DLG2: variants seen among roughly 807,000 people sequenced by gnomAD.
The protein encoded by DLG2 is discs large MAGUK scaffold protein 2.
In DLG2, 45 loss-of-function variants were observed where a neutral mutation model predicts 132.5. The observed-to-expected ratio is 0.34, with a 90% CI of 0.27 to 0.44. The LOEUF (loss-of-function observed/expected upper bound fraction) is 0.44. DLG2 is among the 20% of genes least tolerant of loss of function. The pLI, the probability that DLG2 is intolerant of heterozygous loss-of-function variation, is 1.00. For missense variants in DLG2, 1,045 were observed against 1,196.9 expected, an observed-to-expected ratio of 0.87 and a Z score of 1.87; for synonymous variants, 424 against 419.6, an observed-to-expected ratio of 1.01 and a Z score of -0.13.
At chr11:84,245,526 C>T (rs1000806358) in intron 8 of DLG2, among the ~76,000 whole-genome samples, 2 of 152,078 alleles carry the variant, frequency 1.3e-5, no homozygotes, top group Admixed American at 6.6e-5. Flanking sequence ...GAGGGTTTTC[C>T]AAGCAAGAGA....
At chr11:84,621,382 G>A (rs534937065) in intron 6 of DLG2, among the ~76,000 whole-genome samples, 1 of 152,230 alleles carries the variant, frequency 6.6e-6, no homozygotes, top group African/African-American at 2.4e-5. Context: ...GAAGATTATG[G>A]TGTTTTTAAA....
At chr11:83,847,901 G>A (rs117728375) in intron 16 of DLG2, among the ~76,000 whole-genome samples, 4,921 of 152,182 alleles carry the variant, frequency 0.032, 123 homozygotes, top group South Asian at 0.088. Context: ...CTGTATTTCC[G>A]TAATTGAAAT....
At chr11:85,518,048 A>G (rs895947585) in intron 3 of DLG2, among the ~76,000 whole-genome samples, 4 of 152,182 alleles carry the variant, frequency 2.6e-5, no homozygotes. Context: ...GTAAGTCCAA[A>G]TAAATCTCTT....
chr11:83,531,373 T>C (rs1345990833), intron 21 of DLG2, among the ~76,000 whole-genome samples: 1 of 151,978 alleles, frequency 6.6e-6, no homozygotes, highest in Non-Finnish European at 1.5e-5. Flanking sequence ...CTCCAAATAA[T>C]ATATACAAAT....
In DLG2 at chr11:85,107,114, T is replaced by C. The variant is rs188543327; in HGVS notation, c.357+4547A>G. Among the ~76,000 whole-genome samples the C allele has an allele frequency of 2.6e-5, 4 of 152,138 alleles. No individual in the cohort carries two copies. In the East Asian group the frequency reaches 7.7e-4, roughly 29 times the overall value. ...TATAAATGTTTATGCTATTTGAGAA[T>C]TTTTCACTTATCTGCTTATAGTATT... is the stretch of plus-strand genomic sequence containing the variant. On this transcript the variant is annotated intron_variant, in intron 6 of 27. Transcript: ENST00000376104.
intron 6 of DLG2, among the ~76,000 whole-genome samples, chr11:84,716,345 T>C (rs2061224765): frequency 6.6e-6 from 1 of 152,122 alleles, no homozygotes; most frequent in Admixed American, 6.6e-5. Context: ...AAAGTATTTT[T>C]AGAATATTAG....
chr11:84,650,166 C>A (rs1364083197), intron 6 of DLG2, among the ~76,000 whole-genome samples: 1 of 152,128 alleles, frequency 6.6e-6, no homozygotes, highest in Non-Finnish European at 1.5e-5. Context: ...TCTATTTTAA[C>A]TTTTTCCTCT....
intron 6 of DLG2, among the ~76,000 whole-genome samples, chr11:85,003,300 C>A (rs145383623): frequency 6.6e-6 from 1 of 151,990 alleles, no homozygotes; most frequent in Non-Finnish European, 1.5e-5. Flanking sequence ...TTATATGGCA[C>A]ACACCGATGA....
rs900613592 is a variant in DLG2, at chr11:83,669,203, C to G, written c.1826-35878G>C. 3.9e-5 allele frequency among the ~76,000 whole-genome samples: 6 copies of G among 152,040 alleles called. No homozygotes were observed. The South Asian group carries it at 8.3e-4, about 21-fold the overall frequency. ...GTCCTGGTCCCTCTCCTCATGAACCCCCTCTCCCTACTCACACTCTTTCAA... is the reference window on the plus strand; with the variant it reads ...GTCCTGGTCCCTCTCCTCATGAACCGCCTCTCCCTACTCACACTCTTTCAA... On this transcript the variant is annotated intron_variant, in intron 18 of 27. Coordinates refer to ENST00000376104, the MANE Select transcript of DLG2 (RefSeq NM_001142699.3).
intron 9 of DLG2, among the ~76,000 whole-genome samples, chr11:84,149,008 G>A (rs184193602): frequency 8.5e-5 from 13 of 152,194 alleles, no homozygotes; most frequent in Non-Finnish European, 1.8e-4. Context: ...TCGGCTACTT[G>A]TATGACTTCT....
At chr11:85,141,902 C>A (rs962195510) in intron 5 of DLG2, among the ~76,000 whole-genome samples, 3 of 151,820 alleles carry the variant, frequency 2.0e-5, no homozygotes, top group Non-Finnish European at 4.4e-5. Flanking sequence ...CTATTCTGTT[C>A]CATTGATCTA....
intron 14 of DLG2, among the ~76,000 whole-genome samples, chr11:83,944,542 G>A (rs1038110923): frequency 1.3e-5 from 2 of 152,188 alleles, no homozygotes; most frequent in African/African-American, 4.8e-5. Context: ...AGTCAGAGGT[G>A]CTGTTAAGTG....
At chr11:84,701,526 T>C (rs1007299086) in intron 6 of DLG2, among the ~76,000 whole-genome samples, 3 of 151,624 alleles carry the variant, frequency 2.0e-5, no homozygotes, top group Non-Finnish European at 3.0e-5. Context: ...ATACTTCTTG[T>C]GGGACATGTG....
intron 18 of DLG2, among the ~76,000 whole-genome samples, chr11:83,644,407 G>A (rs539261024): frequency 1.0e-3 from 158 of 152,160 alleles, no homozygotes; most frequent in Non-Finnish European, 1.8e-3. Flanking sequence ...AGGAAGAATC[G>A]GCAAAGAGAC....
intron 7 of DLG2, among the ~76,000 whole-genome samples, chr11:84,322,429 C>G (rs758148591): frequency 6.6e-6 from 1 of 152,160 alleles, no homozygotes; most frequent in African/African-American, 2.4e-5. Flanking sequence ...GTGCATTTCT[C>G]TCAAGCTTTT....
At position 84,201,808 on chromosome 11, in the gene DLG2, C is replaced by CTTTTTTTTT. The variant is rs58905339; in HGVS notation, c.574-38306_574-38298dup. Reference sequence around the variant, plus strand: ...TCACAGAGTTAGAAGAAACTATTTTCTTTTTTTTTTTTTTTTTTTTTTTTT... The same window carrying CTTTTTTTTT: ...TCACAGAGTTAGAAGAAACTATTTTCTTTTTTTTTTTTTTTTTTTTTTTTTTTTTTTTTT... On this transcript the variant is annotated intron_variant, in intron 8 of 27. Transcript: ENST00000376104. Among the ~76,000 whole-genome samples, 36 of 64,606 alleles carry CTTTTTTTTT rather than the reference C, an allele frequency of 5.6e-4. 2 individuals are homozygous for CTTTTTTTTT. The highest frequency in any genetic ancestry group is 9.9e-4 in the Admixed American group (4 of 4,034). The allele number at this position is 64,606 out of a possible 152,430, so 42.4% of individuals were successfully genotyped here. A position where few individuals can be genotyped will look rare whatever the true frequency, so the allele number is the denominator to read the frequency against.
intron 3 of DLG2, among the ~76,000 whole-genome samples, chr11:85,308,961 C>T (rs1314133788): frequency 6.6e-6 from 1 of 152,118 alleles, no homozygotes; most frequent in Non-Finnish European, 1.5e-5. Flanking sequence ...ATTCGCCTCA[C>T]TTCCATGAGA....
chr11:84,121,541 A>ATTTTTTTTTTTTTTTTTTTTT (rs869183421), intron 9 of DLG2, among the ~76,000 whole-genome samples: 1 of 66,670 alleles, frequency 1.5e-5, no homozygotes, highest in African/African-American at 5.5e-5. Flanking sequence ...TTCCTTGCTA[A>ATTTTTTTTTTTTTTTTTTTTT]TTTTTTTTTT....
At chr11:85,531,805 A>C (rs1177012208) in intron 3 of DLG2, among the ~76,000 whole-genome samples, 2 of 152,220 alleles carry the variant, frequency 1.3e-5, no homozygotes, top group Non-Finnish European at 2.9e-5. Context: ...CCTGGAGTTC[A>C]TAGCAATAAC....
Sources: gnomAD v4.1 joint callset for allele counts (sites outside exome capture counted in the v4.1 genomes callset) on GRCh38, gnomAD v4.1.1 for gene constraint, MANE v1.5 for transcripts, NCBI Gene and HGNC (gene_info 2026-07-23, HGNC 2026-07-21) for gene names.